The following DPP6 variants were observed in gnomAD, a reference collection of about 807,000 sequenced individuals.
The protein encoded by DPP6 is dipeptidyl peptidase like 6.
Under a neutral mutation model 122.6 loss-of-function variants are expected in DPP6, and 69 were observed. The observed-to-expected ratio is 0.56, with a 90% CI of 0.46 to 0.69. The LOEUF is 0.69. Ranked by LOEUF, DPP6 falls within the 30% of genes least tolerant of loss-of-function variation. The pLI is 0.00. For missense variants in DPP6, 928 were observed against 1,116.9 expected (o/e 0.83, Z 2.41); for synonymous variants, 418 against 433.1 (o/e 0.97, Z 0.43).
At chr7:153,983,926 T>C (rs557471893) in intron 1 of DPP6, among the ~76,000 whole-genome samples, 1 of 152,162 alleles carries the variant, frequency 6.6e-6, no homozygotes, top group Admixed American at 6.5e-5. Flanking sequence ...CAGTTGGAAA[T>C]GCAGAAATCA....
intron 4 of DPP6, among the ~76,000 whole-genome samples, chr7:154,560,180 G>C (rs141370983): frequency 0.015 from 2,266 of 151,968 alleles, 28 homozygotes; most frequent in South Asian, 0.037. Flanking sequence ...CAGGTTTTGG[G>C]TGGAAATTTT....
chr7:154,840,063 C>CA (rs1231145433), intron 16 of DPP6, among the ~76,000 whole-genome samples: 2 of 152,076 alleles, frequency 1.3e-5, no homozygotes, highest in Non-Finnish European at 2.9e-5. Context: ...GACTTCCATT[C>CA]AAAAAACGGG....
intron 1 of DPP6, among the ~76,000 whole-genome samples, chr7:153,995,295 A>G (rs1797369108): frequency 6.6e-6 from 1 of 152,192 alleles, no homozygotes; most frequent in Admixed American, 6.5e-5. Flanking sequence ...TCTTTTAAGA[A>G]GGAATGAAGG....
At chr7:153,922,880 CA>C (rs1800706267) in intron 1 of DPP6, among the ~76,000 whole-genome samples, 1 of 152,096 alleles carries the variant, frequency 6.6e-6, no homozygotes, top group Non-Finnish European at 1.5e-5. Context: ...GGACAACAAT[CA>C]AAAAAGGGAC....
At chr7:154,698,071 C>T (rs1278416687) in intron 7 of DPP6, among the ~76,000 whole-genome samples, 1 of 152,242 alleles carries the variant, frequency 6.6e-6, no homozygotes, top group South Asian at 2.1e-4. Flanking sequence ...GACCCAGTAT[C>T]TAAAATTACT....
the DPP6 span, among the ~76,000 whole-genome samples, chr7:153,849,818 T>C: frequency 2.0e-5 from 3 of 152,202 alleles, no homozygotes; most frequent in Admixed American, 6.5e-5. Context: ...CTTCTTTTTG[T>C]TAACATTTTC....
At chr7:153,865,017 A>T in the DPP6 span, among the ~76,000 whole-genome samples, 1 of 152,124 alleles carries the variant, frequency 6.6e-6, no homozygotes, top group Non-Finnish European at 1.5e-5. Flanking sequence ...AGTAGAAGAT[A>T]ACTTGTCTCC....
chr7:154,852,556 A>C (rs1222280855), intron 16 of DPP6, among the ~76,000 whole-genome samples: 2 of 108,768 alleles, frequency 1.8e-5, no homozygotes, highest in Non-Finnish European at 4.1e-5. Flanking sequence ...CCTCTCCTGC[A>C]TGCTCTGTGC....
At chr7:154,388,420 C>T (rs1814311770) in intron 1 of DPP6, among the ~76,000 whole-genome samples, 1 of 152,196 alleles carries the variant, frequency 6.6e-6, no homozygotes, top group Non-Finnish European at 1.5e-5. Flanking sequence ...ATTTAATCAT[C>T]AGAATTACTT....
intron 3 of DPP6, among the ~76,000 whole-genome samples, chr7:154,480,151 G>C (rs187777418): frequency 1.3e-5 from 2 of 151,986 alleles, no homozygotes; most frequent in East Asian, 3.9e-4. Context: ...TTTTTGTTCT[G>C]TATTGGCTGA....
chr7:154,095,369 G>T lies in DPP6; in HGVS notation c.243+42306G>T. ...CACCCACTACCGTAACTGTGACAAC[G>T]TCTCCACAGGAGGAGCGGCAAAGTC... On this transcript the variant is annotated intron_variant, in intron 1 of 25. Coordinates refer to ENST00000377770, the MANE Select transcript of DPP6 (RefSeq NM_130797.4). 2 of 141,758 alleles carry T rather than the reference G, an allele frequency of 1.4e-5. 1 individual carries two copies. The highest frequency in any genetic ancestry group is 3.1e-5 in the Non-Finnish European group (2 of 63,684). 8.8% of individuals were successfully genotyped at this position (141,758 alleles called of 1,614,324 possible).
chr7:154,883,858 T>TACATGCTCACAC (rs1805755053), intron 21 of DPP6: 1 of 64,396 alleles, frequency 1.6e-5, no homozygotes, highest in Non-Finnish European at 3.0e-5. Flanking sequence ...CATGCTCACA[T>TACATGCTCACAC]GATTACACAT....
chr7:154,788,045 T>C lies in DPP6; in HGVS notation c.1137-6034T>C, dbSNP rs554781063. Among the ~76,000 whole-genome samples the C allele has an allele frequency of 5.9e-5, 9 of 152,362 alleles. No individual in the cohort carries two copies. In the South Asian group the frequency reaches 1.7e-3, roughly 28 times the overall value. On this transcript the variant is annotated intron_variant, in intron 10 of 25. Transcript: ENST00000377770. ...AAATTGATAGTAGTTTAGAACTAGC[T>C]ATGGATGAACTGATTTTAGAGATTA...
chr7:154,123,220 T>C (rs1261236120), intron 1 of DPP6, among the ~76,000 whole-genome samples: 4 of 152,196 alleles, frequency 2.6e-5, no homozygotes, highest in African/African-American at 9.6e-5. Context: ...ATTACATCAG[T>C]AAATAACTGC....
intron 1 of DPP6, among the ~76,000 whole-genome samples, chr7:153,890,788 T>A (rs982417878): frequency 7.0e-6 from 1 of 142,530 alleles, no homozygotes; most frequent in Non-Finnish European, 1.5e-5. Flanking sequence ...CCCCCAGGGT[T>A]CAAGCCATTC....
chr7:154,576,248 G>A (rs1433804067), intron 5 of DPP6, among the ~76,000 whole-genome samples: 4 of 152,150 alleles, frequency 2.6e-5, no homozygotes, highest in Middle Eastern at 3.4e-3. Context: ...GCGCATCTCC[G>A]TCTGCGTCCA....
rs114314047 is a variant in DPP6 at position 153,940,572 on chromosome 7, C to T, written c.51+52838C>T. Among the ~76,000 whole-genome samples, 447 of 152,198 alleles carry T rather than the reference C, an allele frequency of 2.9e-3. 3 individuals carry two copies. Among genetic ancestry groups the T allele is most frequent in the African/African-American group, 0.01 (421 of 41,534 alleles). On this transcript the variant is annotated intron_variant, in intron 1 of 25. Transcript: ENST00000404039. ...CTCCATGTTTCATGACACACAGAAA[C>T]GGGGATGGGACCACGGTCTACCCAC... is the stretch of plus-strand genomic sequence containing the variant.
At chr7:154,059,627 G>A (rs1036965406) in intron 1 of DPP6, 1 of 149,432 alleles carries the variant, frequency 6.7e-6, no homozygotes, top group East Asian at 2.0e-4. Context: ...AGGGGGCGGG[G>A]ACCCGGAACT....
chr7:154,172,077 C>T (rs1277308143), intron 1 of DPP6, among the ~76,000 whole-genome samples: 1 of 152,074 alleles, frequency 6.6e-6, no homozygotes, highest in African/African-American at 2.4e-5. Flanking sequence ...AAAGGATGTG[C>T]CTCCCTTTCA....
Sources: allele counts gnomAD v4.1 joint callset (sites outside exome capture counted in the v4.1 genomes callset), GRCh38; gene constraint gnomAD v4.1.1; transcripts MANE v1.5; gene names NCBI Gene and HGNC (gene_info 2026-07-23, HGNC 2026-07-21).